The following OVCH1 variants were observed in gnomAD, a reference collection of about 807,000 sequenced individuals.
OVCH1 encodes the protein ovochymase 1, also known as ovochymase-1.
Under a neutral mutation model 138.4 loss-of-function variants are expected in OVCH1, and 139 were observed. That is an observed-to-expected ratio of 1.00 (90% CI 0.87 to 1.16). The LOEUF (loss-of-function observed/expected upper bound fraction) is 1.16, where lower values mean the gene tolerates loss of function less well. OVCH1 is among the 50% of genes most tolerant of loss of function. The pLI, the probability that OVCH1 is intolerant of heterozygous loss-of-function variation, is 0.00. For missense variants in OVCH1, 1,367 were observed against 1,357.9 expected (o/e 1.01, Z -0.11); for synonymous variants, 453 against 467.8 (o/e 0.97, Z 0.41).
the OVCH1 span, among the ~76,000 whole-genome samples, chr12:29,405,021 CAAAAAAAAAAAA>C: frequency 2.5e-5 from 2 of 80,446 alleles, no homozygotes; most frequent in Admixed American, 1.5e-4. Context: ...CACTCCACCT[CAAAAAAAAAAAA>C]AAAAAAAAAA....
chr12:29,481,374 T>C (rs967292525), intron 8 of OVCH1, among the ~76,000 whole-genome samples: 1 of 152,182 alleles, frequency 6.6e-6, no homozygotes, highest in African/African-American at 2.4e-5. Context: ...TACAAATAGA[T>C]GCTAATACTC....
chr12:29,450,890 A>G (rs916294490), intron 22 of OVCH1, among the ~76,000 whole-genome samples: 2 of 152,082 alleles, frequency 1.3e-5, no homozygotes, highest in Non-Finnish European at 2.9e-5. Flanking sequence ...GCCGGAAACC[A>G]TAATTCTCAG....
chr12:29,496,304 C>A, intron 2 of OVCH1, 26 bp from the exon 3 acceptor site: 3 of 1,531,990 alleles, frequency 2.0e-6, no homozygotes, highest in African/African-American at 1.4e-5. Context: ...GTTACAAATG[C>A]AGCTAATATG....
downstream of OVCH1, among the ~76,000 whole-genome samples, chr12:29,408,172 T>C (rs1940907529): frequency 7.9e-6 from 1 of 127,210 alleles, no homozygotes; most frequent in African/African-American, 2.5e-5. Flanking sequence ...CCTGAGACTT[T>C]GCTGAAGTTG....
At chr12:29,476,537 A>C (rs1295360544) in intron 12 of OVCH1, among the ~76,000 whole-genome samples, 10 of 152,188 alleles carry the variant, frequency 6.6e-5, no homozygotes, top group African/African-American at 2.4e-4. Context: ...ACATGTATCC[A>C]AAGGCACTGG....
exon 24 of OVCH1, chr12:29,444,218 A>G (rs1233860460): frequency 3.1e-6 from 5 of 1,612,386 alleles, no homozygotes; most frequent in South Asian, 1.1e-5. Context: ...ACATCCTCAC[A>G]AGGGACCAAG....
At chr12:29,450,871 A>G (rs1207918254) in intron 22 of OVCH1, among the ~76,000 whole-genome samples, 1 of 152,144 alleles carries the variant, frequency 6.6e-6, no homozygotes, top group Non-Finnish European at 1.5e-5. Context: ...TTACAGGGAC[A>G]TGGATGAAGC....
rs184618711 is a variant in OVCH1, at chr12:29,480,158, T to C, written c.996-1250A>G. Among the ~76,000 whole-genome samples, 263 of 152,246 alleles carry C rather than the reference T, an allele frequency of 1.7e-3. 1 individual carries two copies. The highest frequency in any genetic ancestry group is 6.8e-3 in the Middle Eastern group (2 of 294). ...AGTGTTTTTCTATTCAAGTCCATCA[T>C]CCTGAATATAGATGTAAATATAAGC... is the stretch of plus-strand genomic sequence containing the variant. On this transcript the variant is annotated intron_variant, in intron 8 of 27. Transcript: ENST00000318184.
At chr12:29,445,358 G>A in exon 23 of OVCH1, 1 of 1,611,198 alleles carries the variant, frequency 6.2e-7, no homozygotes, top group African/African-American at 1.3e-5. Context: ...CAGCGGTCCA[G>A]GACTCATGAA....
intron 18 of OVCH1, among the ~76,000 whole-genome samples, 153 bp from the exon 19 acceptor site, chr12:29,462,161 C>T (rs1328561083): frequency 6.6e-6 from 1 of 152,176 alleles, no homozygotes; most frequent in African/African-American, 2.4e-5. Context: ...TTAAAAAATA[C>T]AAGTGTTTCA....
chr12:29,439,425 G>T, exon 26 of OVCH1: 1 of 1,521,298 alleles, frequency 6.6e-7, no homozygotes. Flanking sequence ...CAGAGTTCCA[G>T]CGAATGAAGC....
intron 19 of OVCH1, among the ~76,000 whole-genome samples, chr12:29,456,382 C>T (rs961958226): frequency 6.6e-6 from 1 of 152,132 alleles, no homozygotes; most frequent in Non-Finnish European, 1.5e-5. Flanking sequence ...TTTGTACTCT[C>T]TTAGATATGG....
At chr12:29,490,794 A>T (rs1943252296) in intron 5 of OVCH1, among the ~76,000 whole-genome samples, 1 of 152,204 alleles carries the variant, frequency 6.6e-6, no homozygotes, top group South Asian at 2.1e-4. Flanking sequence ...TATTAAAGAC[A>T]AAGAAGCTTA....
intron 6 of OVCH1, 36 bp downstream of exon 6, chr12:29,489,584 G>A: frequency 6.4e-7 from 1 of 1,559,948 alleles, no homozygotes; most frequent in Non-Finnish European, 8.7e-7. Context: ...TCACCCACAT[G>A]TTACTGAACA....
chr12:29,429,036 C>A (rs934826694), intron 27 of OVCH1, among the ~76,000 whole-genome samples: 11 of 152,098 alleles, frequency 7.2e-5, no homozygotes, highest in Admixed American at 2.6e-4. Flanking sequence ...CCCAGCACCT[C>A]CAACCATTAA....
chr12:29,455,358 A>G (rs1394940544), exon 20 of OVCH1: 1 of 1,613,740 alleles, frequency 6.2e-7, no homozygotes, highest in Non-Finnish European at 8.5e-7. Flanking sequence ...CATAGAGGAC[A>G]AAGGGACCAT....
intron 21 of OVCH1, among the ~76,000 whole-genome samples, chr12:29,453,242 A>G (rs528925046): frequency 6.6e-6 from 1 of 152,224 alleles, no homozygotes; most frequent in East Asian, 1.9e-4. Context: ...ACCTAACTCT[A>G]TGTATCCCCA....
intron 27 of OVCH1, among the ~76,000 whole-genome samples, chr12:29,432,003 T>G (rs950673428): frequency 1.3e-5 from 2 of 152,244 alleles, no homozygotes; most frequent in African/African-American, 4.8e-5. Context: ...TTTATTCAAA[T>G]AAACAATTCT....
intron 19 of OVCH1, among the ~76,000 whole-genome samples, chr12:29,457,532 T>C (rs780257744): frequency 6.7e-6 from 1 of 150,252 alleles, no homozygotes; most frequent in Non-Finnish European, 1.5e-5. Context: ...GCCTCCCGAG[T>C]AGCTGGGACT....
Sources: gnomAD v4.1 joint callset for allele counts (sites outside exome capture counted in the v4.1 genomes callset) on GRCh38, gnomAD v4.1.1 for gene constraint, MANE v1.5 for transcripts, NCBI Gene and HGNC (gene_info 2026-07-23, HGNC 2026-07-21) for gene names.